SLC45A3: variants seen among roughly 807,000 people sequenced by gnomAD.
SLC45A3 encodes prostate cancer associated protein 2.
In SLC45A3, 17 loss-of-function variants were observed where a neutral mutation model predicts 35.3. The observed-to-expected ratio is 0.48, with a 90% confidence interval of 0.33 to 0.72. The LOEUF (loss-of-function observed/expected upper bound fraction) is 0.72, where lower values mean the gene tolerates loss of function less well. Ranked by LOEUF, SLC45A3 falls within the 30% of genes least tolerant of loss-of-function variation. The pLI, the probability that SLC45A3 is intolerant of heterozygous loss-of-function variation, is 0.02. For synonymous variants in SLC45A3, 288 were observed against 334.3 expected (o/e 0.86, Z 1.51); for missense variants, 597 against 731.7 (o/e 0.82, Z 2.12).
rs148291270 is a variant in SLC45A3, at chr1:205,659,422, G to C, written c.1474C>G (p.Leu492Val). ...VVPGRGICLD[L>V]AILDSAFLLS... ...AGGAAGGCACTATCCAGGATGGCGAGGTCCAGGCAGATGCCCCGGCCCGGA... is the reference window on the plus strand; with the variant it reads ...AGGAAGGCACTATCCAGGATGGCGACGTCCAGGCAGATGCCCCGGCCCGGA... The change falls in exon 5 of 5, where the codon CTC (leucine) becomes GTC (valine). Residue 492 changes from leucine to valine, a missense_variant. Coordinates refer to ENST00000367145, the MANE Select transcript of SLC45A3 (RefSeq NM_033102.3). This position sits in a 1 kb window ranked among gnomAD's most constrained non-coding sequence, Gnocchi z 5.8. 2,390 of 1,614,144 alleles carry C rather than the reference G, an allele frequency of 1.5e-3. 2 individuals are homozygous for C. The highest frequency in any genetic ancestry group is 3.3e-3 in the Admixed American group (196 of 60,024).
Position 205,663,284 on chromosome 1 carries a change from A to G in SLC45A3, c.507T>C (p.Ser169=). 1 of 1,613,510 alleles carries G rather than the reference A, an allele frequency of 6.2e-7. No individual in the cohort carries two copies. Among genetic ancestry groups the G allele is most frequent in the Non-Finnish European group, 8.5e-7 (1 of 1,180,012 alleles). Residue 169 remains serine (S), a synonymous_variant, in exon 3 of 5, where the codon AGT becomes AGC. Transcript: ENST00000367145. ...GGAGGTAGCCCAGGCAGCCCCCAAG[A>G]CTGATCATGAAGGCATAGACAGAGT... ...QAYSVYAFMI[S]LGGCLGYLLP...
intron 1 of SLC45A3, among the ~76,000 whole-genome samples, chr1:205,672,376 A>G (rs1328232104): frequency 6.6e-6 from 1 of 152,204 alleles, no homozygotes. Context: ...GAAGGGAGGT[A>G]GAAGGTGGGA....
intron 1 of SLC45A3, among the ~76,000 whole-genome samples, chr1:205,671,172 A>G (rs1236856270): frequency 6.6e-6 from 1 of 152,220 alleles, no homozygotes; most frequent in African/African-American, 2.4e-5. Context: ...GGCCAGAGTC[A>G]GTCCTGGACA....
chr1:205,658,332 C>G lies in SLC45A3; in HGVS notation c.*902G>C, dbSNP rs1670959491. The G allele has an allele frequency of 4.3e-6, 1 of 232,512 alleles. No homozygotes were observed. The highest frequency in any genetic ancestry group is 6.1e-5 in the East Asian group (1 of 16,502). 14.4% of individuals were successfully genotyped at this position (232,512 alleles called of 1,614,324 possible). On this transcript the variant is annotated 3_prime_UTR_variant, in exon 5 of 5. Coordinates refer to ENST00000367145, the MANE Select transcript of SLC45A3 (RefSeq NM_033102.3). ...CCACCCTCTACCTTCCTTCAACACC[C>G]TAACCTTGGGTAACAGCATTTGGAA...
Position 205,666,499 on chromosome 1 carries a change from A to G in SLC45A3, c.-230-1613T>C, listed in dbSNP as rs1029363262. On this transcript the variant is annotated intron_variant, in intron 1 of 4. Coordinates refer to ENST00000367145, the MANE Select transcript of SLC45A3 (RefSeq NM_033102.3). This position sits in a 1 kb window ranked among gnomAD's most constrained non-coding sequence, Gnocchi z 4.1. Reference sequence around the variant, plus strand: ...TCCAGTCTGGGTGACAGAGGGAGACACTGCCTAAAAAAACATCAGATGGCT... The same window carrying G: ...TCCAGTCTGGGTGACAGAGGGAGACGCTGCCTAAAAAAACATCAGATGGCT... 4.6e-5 allele frequency among the ~76,000 whole-genome samples: 7 copies of G among 152,186 alleles called. No individual in the cohort carries two copies. Among genetic ancestry groups the G allele is most frequent in the African/African-American group, 1.7e-4 (7 of 41,440 alleles).
rs1671067289 is a variant in SLC45A3, at chr1:205,663,544, C to G, written c.247G>C (p.Gly83Arg). The G allele has an allele frequency of 2.5e-6, 4 of 1,612,848 alleles. No homozygotes were observed. The highest frequency in any genetic ancestry group is 3.4e-6 in the Non-Finnish European group (4 of 1,180,002). The change falls in exon 3 of 5, where the codon GGC (glycine) becomes CGC (arginine). Residue 83 changes from glycine (G) to arginine (R), a missense_variant. By Grantham distance (125) the Gly-to-Arg change is moderately radical. Around this residue, in one of 3 missense-constraint regions of SLC45A3, gnomAD observed 555 missense variants for 664.9 expected, o/e 0.83. Transcript: ENST00000367145. ...SASDHWRGRY[G>R]RRRPFIWALS... ...GCCCAGATGAAGGGCCGGCGGCGGC[C>G]ATAGCGTCCACGCCAGTGGTCACTG...
chr1:205,670,932 C>T lies in SLC45A3; in HGVS notation c.-230-6046G>A, dbSNP rs529803854. On this transcript the variant is annotated intron_variant, in intron 1 of 4. Coordinates refer to ENST00000367145, the MANE Select transcript of SLC45A3 (RefSeq NM_033102.3). ...AAAGGGCAATGGCTCCCTCCCCCCA[C>T]TCACCCCCAATGTGTGAAAACCCAA... is the stretch of plus-strand genomic sequence containing the variant. Among the ~76,000 whole-genome samples the T allele has an allele frequency of 9.3e-4, 141 of 152,346 alleles. 1 individual carries two copies. Among genetic ancestry groups the T allele is most frequent in the African/African-American group, 2.9e-3 (119 of 41,580 alleles).
chr1:205,678,533 A>G (rs2102411763), intron 1 of SLC45A3, among the ~76,000 whole-genome samples: 1 of 152,280 alleles, frequency 6.6e-6, no homozygotes. Context: ...GAATGGGCTC[A>G]GGAGACCACC....
chr1:205,658,930 A>G lies in SLC45A3; in HGVS notation c.*304T>C. 1 of 381,928 alleles carries G rather than the reference A, an allele frequency of 2.6e-6. No homozygotes were observed. Among genetic ancestry groups the G allele is most frequent in the Non-Finnish European group, 4.7e-6 (1 of 210,564 alleles). 23.7% of individuals were successfully genotyped at this position (381,928 alleles called of 1,614,324 possible). ...TGTTAACCCTGAGCCTGGGTAATCC[A>G]CCTGCAGAGTCCCCGCATTCCAGTG... On this transcript the variant is annotated 3_prime_UTR_variant, in exon 5 of 5. Coordinates refer to ENST00000367145, the MANE Select transcript of SLC45A3 (RefSeq NM_033102.3).
In SLC45A3 at chr1:205,664,805, G is replaced by C; in HGVS notation, c.-149C>G. On this transcript the variant is annotated 5_prime_UTR_variant, in exon 2 of 5. Coordinates refer to ENST00000367145, the MANE Select transcript of SLC45A3 (RefSeq NM_033102.3). This position sits in a 1 kb window ranked among gnomAD's most constrained non-coding sequence, Gnocchi z 5.3. ...GGCGCCCATTTCTGCCAGCCCTTTGGTGCCGGTCCAGCTTCTCAGCCCATG... is the reference window on the plus strand; with the variant it reads ...GGCGCCCATTTCTGCCAGCCCTTTGCTGCCGGTCCAGCTTCTCAGCCCATG... The C allele has an allele frequency of 7.0e-7, 1 of 1,437,566 alleles. No individual in the cohort carries two copies. Among genetic ancestry groups the C allele is most frequent in the Non-Finnish European group, 9.1e-7 (1 of 1,100,530 alleles). The allele number at this position is 1,437,566 out of a possible 1,614,324, so 89.1% of individuals were successfully genotyped here. A position where few individuals can be genotyped will look rare whatever the true frequency, so the allele number is the denominator to read the frequency against.
Position 205,664,896 on chromosome 1 carries a change from C to A in SLC45A3, c.-230-10G>T. ...TCTCATCACTCAGATCCTAGAAGGG[C>A]GGGGCAATCACAAGCACACGGGGTG... is the stretch of plus-strand genomic sequence containing the variant. On this transcript the variant is annotated splice_polypyrimidine_tract_variant and intron_variant, in intron 1 of 4. Transcript: ENST00000367145. This position sits in a 1 kb window ranked among gnomAD's most constrained non-coding sequence, Gnocchi z 5.3. 1 of 1,356,794 alleles carries A rather than the reference C, an allele frequency of 7.4e-7. No individual in the cohort carries two copies. Among genetic ancestry groups the A allele is most frequent in the Non-Finnish European group, 9.5e-7 (1 of 1,056,934 alleles). The allele number at this position is 1,356,794 out of a possible 1,614,324, so 84.0% of individuals were successfully genotyped here. A position where few individuals can be genotyped will look rare whatever the true frequency, so the allele number is the denominator to read the frequency against.
chr1:205,661,095 A>C (rs570049613), intron 4 of SLC45A3, among the ~76,000 whole-genome samples: 1 of 152,296 alleles, frequency 6.6e-6, no homozygotes, highest in Admixed American at 6.5e-5. Context: ...TCCAGCACCC[A>C]GGTTTGTAGC....
chr1:205,671,776 G>A (rs6685508), intron 1 of SLC45A3, among the ~76,000 whole-genome samples: 79,160 of 151,866 alleles, frequency 0.52, 23,469 homozygotes, highest in Non-Finnish European at 0.67. Context: ...TGAGGCATGA[G>A]AATTGCTTGA....
In SLC45A3 at chr1:205,663,341, G is replaced by T. The variant is rs199734030; in HGVS notation, c.450C>A (p.Leu150=). The change falls in exon 3 of 5, where the codon CTC becomes CTA. Residue 150 remains leucine, a synonymous_variant. Coordinates refer to ENST00000367145, the MANE Select transcript of SLC45A3 (RefSeq NM_033102.3). ...GGCGACAGTGGTCCGGGTCCCGGAA[G>T]AGGTCAGAGAGCAGGGCCTCCAGTG... is the stretch of plus-strand genomic sequence containing the variant. ...FTPLEALLSD[L]FRDPDHCRQA... The T allele has an allele frequency of 1.2e-6, 2 of 1,613,444 alleles. No individual in the cohort carries two copies. Among genetic ancestry groups the T allele is most frequent in the East Asian group, 2.2e-5 (1 of 44,876 alleles).
At chr1:205,667,005 A>C (rs556515655) in intron 1 of SLC45A3, among the ~76,000 whole-genome samples, 2 of 152,226 alleles carry the variant, frequency 1.3e-5, no homozygotes, top group African/African-American at 4.8e-5. Context: ...GCAAACAGAG[A>C]CTTTGTTAGA....
At position 205,665,711 on chromosome 1, in the gene SLC45A3, G is replaced by A. The variant is rs574320531; in HGVS notation, c.-230-825C>T. Reference sequence around the variant, plus strand: ...CCTTTCTGTGCTCTTAAATGGCAGAGAAAGGAATTTTTCGGTGCTCTTTTC... The same window carrying A: ...CCTTTCTGTGCTCTTAAATGGCAGAAAAAGGAATTTTTCGGTGCTCTTTTC... On this transcript the variant is annotated intron_variant, in intron 1 of 4. Coordinates refer to ENST00000367145, the MANE Select transcript of SLC45A3 (RefSeq NM_033102.3). 1.9e-4 allele frequency among the ~76,000 whole-genome samples: 29 copies of A among 152,312 alleles called. No individual in the cohort carries two copies. In the East Asian group the frequency reaches 4.4e-3, roughly 23 times the overall value.
intron 1 of SLC45A3, among the ~76,000 whole-genome samples, chr1:205,670,589 GGA>G (rs1671194682): frequency 6.6e-6 from 1 of 152,198 alleles, no homozygotes; most frequent in South Asian, 2.1e-4. Flanking sequence ...CCCAGGGCCT[GGA>G]GGCCAGGGAT....
rs774281642 is a variant in SLC45A3 at position 205,659,524 on chromosome 1, GT to G, written c.1371del (p.Ala459ArgfsTer83). 48 of 1,610,728 alleles carry G rather than the reference GT, an allele frequency of 3.0e-5. No homozygotes were observed. The highest frequency in any genetic ancestry group is 3.8e-5 in the Non-Finnish European group (45 of 1,178,072). On this transcript the variant is annotated frameshift_variant, in exon 5 of 5. Coordinates refer to ENST00000367145, the MANE Select transcript of SLC45A3 (RefSeq NM_033102.3). LOFTEE classifies it high-confidence loss of function. This position sits in a 1 kb window ranked among gnomAD's most constrained non-coding sequence, Gnocchi z 5.8. ...GAGGSGLLPP[P>X]PALCGASACD... ...CAGGCAGAGGCCCCGCAGAGCGCGG[GT>G]GGAGGTGGGAGCAGGCCACTGCCTC...
rs1671169917 is a variant in SLC45A3 at position 205,669,438 on chromosome 1, T to C, written c.-230-4552A>G. On this transcript the variant is annotated intron_variant, in intron 1 of 4. Coordinates refer to ENST00000367145, the MANE Select transcript of SLC45A3 (RefSeq NM_033102.3). This position sits in a 1 kb window ranked among gnomAD's most constrained non-coding sequence, Gnocchi z 4.1. ...CAGAGGGGGATGTATAAAGAGGTCT[T>C]TGAGGGCTTTCAAAGGGGCTTCTGC... Among the ~76,000 whole-genome samples, 1 of 152,090 alleles carries C rather than the reference T, an allele frequency of 6.6e-6. No homozygotes were observed. Among genetic ancestry groups the C allele is most frequent in the South Asian group, 2.1e-4 (1 of 4,826 alleles).
Sources: allele counts gnomAD v4.1 joint callset (sites outside exome capture counted in the v4.1 genomes callset), GRCh38; gene constraint gnomAD v4.1.1; regional missense constraint gnomAD v4.1.1; non-coding constraint Gnocchi (gnomAD v3.1); transcripts MANE v1.5; gene names NCBI Gene and HGNC (gene_info 2026-07-23, HGNC 2026-07-21).